Variants in LRRC37A2 observed in about 807,000 individuals in gnomAD.
LRRC37A2 encodes the protein leucine rich repeat containing 37 member A2, also known as leucine-rich repeat-containing protein 37A2.
A neutral mutation model predicts 68.8 loss-of-function variants in LRRC37A2; 9 were observed. That is an observed-to-expected ratio of 0.13 (90% CI 0.08 to 0.23). The LOEUF (loss-of-function observed/expected upper bound fraction) is 0.23, where lower values mean the gene tolerates loss of function less well. Ranked by LOEUF, LRRC37A2 falls within the 10% of genes least tolerant of loss-of-function variation. The probability of loss-of-function intolerance (pLI) is 1.00; values close to 1 mark genes in which losing one functional copy is unlikely to be tolerated. For missense variants in LRRC37A2, 168 were observed against 950.4 expected (o/e 0.18, Z 10.82); for synonymous variants, 63 against 367.6 (o/e 0.17, Z 9.48).
the LRRC37A2 span, among the ~76,000 whole-genome samples, chr17:46,875,655 A>T: frequency 6.6e-6 from 1 of 152,192 alleles, no homozygotes; most frequent in Non-Finnish European, 1.5e-5. Flanking sequence ...TGAAGCAGGG[A>T]CATGTTTGGA....
At chr17:46,727,865 G>A in the LRRC37A2 span, among the ~76,000 whole-genome samples, 3 of 152,196 alleles carry the variant, frequency 2.0e-5, no homozygotes, top group African/African-American at 7.2e-5. Flanking sequence ...TATTCAATAA[G>A]CACTTGCTGA....
the LRRC37A2 span, among the ~76,000 whole-genome samples, chr17:46,900,763 T>G: frequency 2.0e-5 from 3 of 152,054 alleles, no homozygotes; most frequent in African/African-American, 7.2e-5. Flanking sequence ...GTTGTATGTG[T>G]TTTTTTTCTT....
chr17:46,602,814 C>G, the LRRC37A2 span, among the ~76,000 whole-genome samples: 1 of 141,798 alleles, frequency 7.1e-6, no homozygotes, highest in Admixed American at 7.1e-5. Context: ...GCAGACAGTT[C>G]CCATTGCTGA....
At chr17:46,750,853 A>G in the LRRC37A2 span, among the ~76,000 whole-genome samples, 1 of 152,162 alleles carries the variant, frequency 6.6e-6, no homozygotes, top group South Asian at 2.1e-4. Flanking sequence ...TCAAAAAAAA[A>G]AAAGCTACAG....
At chr17:46,610,021 CTTTCTT>C in the LRRC37A2 span, among the ~76,000 whole-genome samples, 28 of 81,262 alleles carry the variant, frequency 3.4e-4, no homozygotes, top group African/African-American at 1.1e-3. Flanking sequence ...TTCTTTCTTT[CTTTCTT>C]TCTCTCTCTC....
chr17:46,710,082 A>G, the LRRC37A2 span, among the ~76,000 whole-genome samples: 2 of 152,244 alleles, frequency 1.3e-5, no homozygotes, highest in African/African-American at 4.8e-5. Context: ...AAACTATTCC[A>G]TACATCAGGT....
chr17:46,602,592 G>T, the LRRC37A2 span: 1 of 50,316 alleles, frequency 2.0e-5, no homozygotes, highest in Non-Finnish European at 3.6e-5. Flanking sequence ...AAACTTTAAG[G>T]GCTGCATTGG....
chr17:46,882,739 T>G, the LRRC37A2 span, among the ~76,000 whole-genome samples: 1 of 152,142 alleles, frequency 6.6e-6, no homozygotes, highest in Non-Finnish European at 1.5e-5. Flanking sequence ...AAACACGGAT[T>G]GGTGGCCTAT....
the LRRC37A2 span, among the ~76,000 whole-genome samples, chr17:46,970,632 C>T: frequency 6.6e-6 from 1 of 151,404 alleles, no homozygotes; most frequent in African/African-American, 2.4e-5. Context: ...TGAGCTTTTG[C>T]ATCAAAGCCT....
At chr17:46,787,081 G>T in the LRRC37A2 span, among the ~76,000 whole-genome samples, 2 of 152,008 alleles carry the variant, frequency 1.3e-5, no homozygotes, top group Non-Finnish European at 2.9e-5. Flanking sequence ...GAGACTACAG[G>T]CACATGCCAC....
At chr17:46,861,928 C>G in the LRRC37A2 span, among the ~76,000 whole-genome samples, 1 of 152,276 alleles carries the variant, frequency 6.6e-6, no homozygotes, top group Admixed American at 6.5e-5. Flanking sequence ...CTTTGGGAGG[C>G]TGAGGCAGGT....
chr17:46,984,324 G>C, the LRRC37A2 span, among the ~76,000 whole-genome samples: 1 of 151,888 alleles, frequency 6.6e-6, no homozygotes, highest in African/African-American at 2.4e-5. Context: ...GTTGGGGGTG[G>C]GGTTGGGGGT....
chr17:46,887,732 C>T, the LRRC37A2 span, among the ~76,000 whole-genome samples: 1 of 152,034 alleles, frequency 6.6e-6, no homozygotes, highest in Non-Finnish European at 1.5e-5. Flanking sequence ...CCACTGCACT[C>T]CAGCCTGGGC....
chr17:46,870,277 T>C, the LRRC37A2 span, among the ~76,000 whole-genome samples: 1 of 152,096 alleles, frequency 6.6e-6, no homozygotes, highest in Non-Finnish European at 1.5e-5. Flanking sequence ...GAGGGCAAGG[T>C]AGCTGCAGCC....
chr17:46,872,219 C>T, the LRRC37A2 span, among the ~76,000 whole-genome samples: 5 of 152,168 alleles, frequency 3.3e-5, no homozygotes, highest in East Asian at 5.8e-4. Context: ...CCTGGGAAAG[C>T]GTATTTTTAA....
At chr17:46,938,966 C>T in the LRRC37A2 span, 22 of 1,448,568 alleles carry the variant, frequency 1.5e-5, no homozygotes, top group South Asian at 9.2e-5. Context: ...CCACCATGCG[C>T]GGTGCTTAGG....
At chr17:46,458,603 G>A in the LRRC37A2 span, among the ~76,000 whole-genome samples, 1 of 73,290 alleles carries the variant, frequency 1.4e-5, no homozygotes, top group African/African-American at 4.8e-5. Context: ...GTGCAATGGC[G>A]TGATCTCGGC....
the LRRC37A2 span, among the ~76,000 whole-genome samples, chr17:46,882,900 C>T: frequency 6.6e-6 from 1 of 152,128 alleles, no homozygotes; most frequent in Non-Finnish European, 1.5e-5. Flanking sequence ...TGTGCAGGCT[C>T]CACCCCACAC....
At chr17:46,791,623 C>A in the LRRC37A2 span, among the ~76,000 whole-genome samples, 1 of 152,230 alleles carries the variant, frequency 6.6e-6, no homozygotes, top group South Asian at 2.1e-4. Flanking sequence ...CCAGGCCAGG[C>A]ATGCCCTGGT....
Sources: gnomAD v4.1 joint callset for allele counts (sites outside exome capture counted in the v4.1 genomes callset) on GRCh38, gnomAD v4.1.1 for gene constraint, MANE v1.5 for transcripts, NCBI Gene and HGNC (gene_info 2026-07-23, HGNC 2026-07-21) for gene names.